STK33: variants seen among roughly 807,000 people sequenced by gnomAD.
STK33 encodes the protein serine/threonine-protein kinase 33.
In STK33, 52 loss-of-function variants were observed where a neutral mutation model predicts 58.0. The ratio of observed to expected loss-of-function variants is 0.90; its 90% CI spans 0.72 to 1.13. STK33 has a LOEUF of 1.13. STK33 is among the 50% of genes most tolerant of loss of function. The pLI, the probability that STK33 is intolerant of heterozygous loss-of-function variation, is 0.00. For missense variants in STK33, 630 were observed against 604.2 expected (o/e 1.04, Z -0.45); for synonymous variants, 215 against 200.1 (o/e 1.07, Z -0.63).
intron 1 of STK33, among the ~76,000 whole-genome samples, chr11:8,516,253 G>T (rs1461562978): frequency 6.6e-6 from 1 of 152,178 alleles, no homozygotes; most frequent in Non-Finnish European, 1.5e-5. Flanking sequence ...ATAAACCCAT[G>T]CATATATAGT....
At chr11:8,445,596 T>C (rs535818418) in intron 11 of STK33, among the ~76,000 whole-genome samples, 7 of 152,254 alleles carry the variant, frequency 4.6e-5, no homozygotes, top group South Asian at 2.1e-4. Flanking sequence ...TGAAGTGGTA[T>C]TGAATTTTAT....
chr11:8,591,435 A>G (rs780130611), intron 1 of STK33, among the ~76,000 whole-genome samples: 3 of 152,348 alleles, frequency 2.0e-5, no homozygotes, highest in Non-Finnish European at 2.9e-5. Context: ...AAAGATTAAC[A>G]AGCAGACAAC....
intron 1 of STK33, among the ~76,000 whole-genome samples, chr11:8,558,568 AG>A (rs1390217617): frequency 6.6e-6 from 1 of 152,190 alleles, no homozygotes; most frequent in African/African-American, 2.4e-5. Context: ...GAATTAATCA[AG>A]GGTGCCAGAA....
chr11:8,388,150 G>A (rs973250139), downstream of STK33, among the ~76,000 whole-genome samples: 2 of 150,122 alleles, frequency 1.3e-5, no homozygotes, highest in African/African-American at 5.0e-5. Context: ...TAAGGTACCT[G>A]GGATGGCACT....
the STK33 span, among the ~76,000 whole-genome samples, chr11:8,367,476 C>A: frequency 2.6e-5 from 4 of 152,192 alleles, no homozygotes; most frequent in African/African-American, 9.7e-5. Context: ...CCCCTGAGCC[C>A]AGGACTCTAA....
At chr11:8,510,114 C>A (rs1437418289) in intron 1 of STK33, among the ~76,000 whole-genome samples, 1 of 152,202 alleles carries the variant, frequency 6.6e-6, no homozygotes, top group African/African-American at 2.4e-5. Context: ...AGTTTACATT[C>A]CCACTAGCAG....
Position 8,487,207 on chromosome 11 carries a change from T to C in STK33, c.-465-6593A>G, listed in dbSNP as rs140597567. Among the ~76,000 whole-genome samples, 472 of 152,102 alleles carry C rather than the reference T, an allele frequency of 3.1e-3. 5 individuals carry two copies. Among genetic ancestry groups the C allele is most frequent in the African/African-American group, 0.011 (457 of 41,518 alleles). On this transcript the variant is annotated intron_variant, in intron 1 of 15. Coordinates refer to ENST00000687296, the MANE Select transcript of STK33 (RefSeq NM_001352389.2). ...GGGAGGCAGAGGCTGGTGGACTGCT[T>C]GCGCCCAAGAGTTTGAGACCAGTCA...
chr11:8,521,344 T>C (rs1206260227), intron 1 of STK33, among the ~76,000 whole-genome samples: 1 of 152,154 alleles, frequency 6.6e-6, no homozygotes, highest in African/African-American at 2.4e-5. Context: ...CATCTGATCT[T>C]TGACAAACCT....
rs1246025048 is a variant in STK33, at chr11:8,539,947, C to T, written c.-466+54136G>A. Reference sequence around the variant, plus strand: ...ATCAATTTAGGCCTGAAATCCTTAGCGCACTGTTGGTGGGAATATAGACTG... The same window carrying T: ...ATCAATTTAGGCCTGAAATCCTTAGTGCACTGTTGGTGGGAATATAGACTG... On this transcript the variant is annotated intron_variant, in intron 1 of 15. Coordinates refer to ENST00000687296, the MANE Select transcript of STK33 (RefSeq NM_001352389.2). Among the ~76,000 whole-genome samples the T allele has an allele frequency of 3.9e-5, 6 of 152,048 alleles. No homozygotes were observed. In the East Asian group the frequency reaches 7.7e-4, roughly 20 times the overall value.
At chr11:8,540,003 T>G (rs1240684241) in intron 1 of STK33, among the ~76,000 whole-genome samples, 1 of 151,856 alleles carries the variant, frequency 6.6e-6, no homozygotes, top group African/African-American at 2.4e-5. Flanking sequence ...AGTATGGAGG[T>G]TCCCGAAAAA....
At chr11:8,430,834 G>A (rs1257967280) in intron 14 of STK33, among the ~76,000 whole-genome samples, 2 of 151,028 alleles carry the variant, frequency 1.3e-5, no homozygotes, top group African/African-American at 4.9e-5. Context: ...AAATCCCCAA[G>A]TGTCCTGGCT....
chr11:8,437,424 TAAC>T (rs939923657), intron 12 of STK33, among the ~76,000 whole-genome samples: 63 of 152,316 alleles, frequency 4.1e-4, no homozygotes, highest in African/African-American at 1.5e-3. Context: ...ATCCTATAGA[TAAC>T]AACCAGATTT....
At chr11:8,341,826 A>C in the STK33 span, among the ~76,000 whole-genome samples, 1 of 152,154 alleles carries the variant, frequency 6.6e-6, no homozygotes, top group Non-Finnish European at 1.5e-5. Context: ...TGATAAATAG[A>C]GTGTAAATTG....
At chr11:8,434,824 A>G (rs1943867165) in intron 14 of STK33, among the ~76,000 whole-genome samples, 1 of 152,222 alleles carries the variant, frequency 6.6e-6, no homozygotes, top group South Asian at 2.1e-4. Context: ...GATAACTAGC[A>G]AAGAACACTG....
At chr11:8,427,164 C>G (rs2136061494) in intron 14 of STK33, among the ~76,000 whole-genome samples, 1 of 152,268 alleles carries the variant, frequency 6.6e-6, no homozygotes, top group African/African-American at 2.4e-5. Flanking sequence ...ACTCCTGTGG[C>G]AAACCCTCTG....
rs558392604 is a variant in STK33, at chr11:8,419,215, A to C, written c.1147-5523T>G. On this transcript the variant is annotated intron_variant, in intron 14 of 15. Transcript: ENST00000687296. ...TCTTCCAGAGTTTTTACAGTTTTGC[A>C]TTTTACATTTAAGTATTTAGTCCAT... 2.6e-5 allele frequency among the ~76,000 whole-genome samples: 4 copies of C among 152,132 alleles called. No individual in the cohort carries two copies. In the East Asian group the frequency reaches 7.7e-4, roughly 29 times the overall value.
At chr11:8,489,325 ATATAT>A (rs760957211) in intron 1 of STK33, among the ~76,000 whole-genome samples, 16 of 152,072 alleles carry the variant, frequency 1.1e-4, no homozygotes, top group Admixed American at 2.0e-4. Context: ...AAAGGTATAA[ATATAT>A]TATATTACAC....
At chr11:8,362,842 CTCTT>C in the STK33 span, among the ~76,000 whole-genome samples, 1 of 152,066 alleles carries the variant, frequency 6.6e-6, no homozygotes, top group Non-Finnish European at 1.5e-5. Flanking sequence ...CTCCATCCCT[CTCTT>C]TCTGCCTCTC....
Position 8,392,309 on chromosome 11 carries a change from G to T in STK33, c.*201C>A. On this transcript the variant is annotated 3_prime_UTR_variant, in exon 16 of 16. Transcript: ENST00000687296. Reference sequence around the variant, plus strand: ...CCCACTGCCAAGCCTACTGGTGGCTGTCCTTTAATGCCATGTGCAGCTTAT... The same window carrying T: ...CCCACTGCCAAGCCTACTGGTGGCTTTCCTTTAATGCCATGTGCAGCTTAT... The T allele has an allele frequency of 4.8e-6, 3 of 627,906 alleles. No individual in the cohort carries two copies. Among genetic ancestry groups the T allele is most frequent in the Non-Finnish European group, 8.2e-6 (3 of 363,688 alleles). 38.9% of individuals were successfully genotyped at this position (627,906 alleles called of 1,614,324 possible).
Sources: gnomAD v4.1 joint callset for allele counts (sites outside exome capture counted in the v4.1 genomes callset) on GRCh38, gnomAD v4.1.1 for gene constraint, MANE v1.5 for transcripts, NCBI Gene and HGNC (gene_info 2026-07-23, HGNC 2026-07-21) for gene names.